Variants in CHCHD3 observed in about 807,000 individuals in gnomAD.
The protein encoded by CHCHD3 is coiled-coil-helix-coiled-coil-helix domain containing 3, also known as MICOS complex subunit MIC19.
In CHCHD3, 20 loss-of-function variants were observed where a neutral mutation model predicts 38.2. The ratio of observed to expected loss-of-function variants is 0.52; its 90% CI spans 0.37 to 0.76. The LOEUF is 0.76. Ranked by LOEUF, CHCHD3 falls within the 30% of genes least tolerant of loss-of-function variation. The probability of loss-of-function intolerance (pLI) is 0.00; values close to 1 mark genes in which losing one functional copy is unlikely to be tolerated. For missense variants in CHCHD3, 245 were observed against 279.2 expected (o/e 0.88, Z 0.87); for synonymous variants, 82 against 100.0 (o/e 0.82, Z 1.07).
intron 4 of CHCHD3, among the ~76,000 whole-genome samples, chr7:132,961,847 T>C (rs887404180): frequency 6.6e-6 from 1 of 152,222 alleles, no homozygotes; most frequent in Non-Finnish European, 1.5e-5. Flanking sequence ...GTTCAACTTT[T>C]CTAGATTCCA....
chr7:132,876,339 A>G lies in CHCHD3; in HGVS notation c.453+9323T>C, dbSNP rs549944393. Among the ~76,000 whole-genome samples the G allele has an allele frequency of 1.8e-4, 27 of 152,342 alleles. No homozygotes were observed. The East Asian group carries it at 5.0e-3, about 28-fold the overall frequency. ...AGCAAGAAAGGAGCTCAAAGAAAGT[A>G]AAGTGAGTAAATAATTGTTTTTCAA... On this transcript the variant is annotated intron_variant, in intron 5 of 7. Transcript: ENST00000262570.
At chr7:132,868,866 C>A (rs1469620812) in intron 5 of CHCHD3, among the ~76,000 whole-genome samples, 1 of 152,128 alleles carries the variant, frequency 6.6e-6, no homozygotes, top group East Asian at 1.9e-4. Flanking sequence ...TTCCCCAGGG[C>A]TCCTTGCTCT....
intron 4 of CHCHD3, among the ~76,000 whole-genome samples, chr7:132,935,066 T>C (rs553590631): frequency 5.5e-4 from 84 of 152,302 alleles, no homozygotes; most frequent in African/African-American, 1.9e-3. Flanking sequence ...CAAACTCCAC[T>C]GGACCCCCAA....
At chr7:132,809,668 A>G (rs1807016601) in intron 6 of CHCHD3, among the ~76,000 whole-genome samples, 1 of 152,238 alleles carries the variant, frequency 6.6e-6, no homozygotes, top group Non-Finnish European at 1.5e-5. Context: ...AAAGTGAAGG[A>G]CAGATGGTGA....
intron 2 of CHCHD3, chr7:133,036,077 G>T (rs984529304): frequency 1.4e-6 from 1 of 692,028 alleles, no homozygotes. Flanking sequence ...AAAATAATTC[G>T]CTAGGCAATT....
intron 6 of CHCHD3, among the ~76,000 whole-genome samples, chr7:132,808,321 G>T (rs1471070484): frequency 2.0e-5 from 3 of 152,068 alleles, no homozygotes; most frequent in African/African-American, 7.2e-5. Context: ...CTCCCCACCT[G>T]CTTTCCACTT....
chr7:133,068,707 A>C (rs1814740705), intron 2 of CHCHD3, among the ~76,000 whole-genome samples: 1 of 152,172 alleles, frequency 6.6e-6, no homozygotes, highest in South Asian at 2.1e-4. Context: ...ACATATTTAG[A>C]CATGTTTTAG....
chr7:133,029,314 T>C (rs570954488), intron 2 of CHCHD3, among the ~76,000 whole-genome samples: 1 of 152,308 alleles, frequency 6.6e-6, no homozygotes, highest in Admixed American at 6.5e-5. Context: ...TGTTCTCTTA[T>C]GAAATTTCAA....
intron 4 of CHCHD3, among the ~76,000 whole-genome samples, chr7:132,931,538 G>C (rs141634802): frequency 2.7e-4 from 41 of 152,090 alleles, no homozygotes; most frequent in African/African-American, 9.2e-4. Context: ...GCTAATCAAA[G>C]TATTAAAACT....
intron 4 of CHCHD3, among the ~76,000 whole-genome samples, chr7:132,963,422 G>C (rs1811374095): frequency 6.7e-6 from 1 of 148,670 alleles, no homozygotes; most frequent in Admixed American, 6.7e-5. Flanking sequence ...ACGAGGTCGG[G>C]AGATCGAGAC....
chr7:132,825,060 G>C (rs1807475089), intron 6 of CHCHD3, among the ~76,000 whole-genome samples: 1 of 152,092 alleles, frequency 6.6e-6, no homozygotes, highest in South Asian at 2.1e-4. Context: ...AAGTTTTGAT[G>C]CTTCTGCAGT....
intron 5 of CHCHD3, among the ~76,000 whole-genome samples, chr7:132,847,748 T>G (rs550598951): frequency 1.8e-4 from 28 of 152,326 alleles, no homozygotes; most frequent in African/African-American, 6.3e-4. Context: ...ACACACAGTA[T>G]TCGTGCAATA....
chr7:133,037,569 T>C (rs1422767519), intron 2 of CHCHD3, among the ~76,000 whole-genome samples: 1 of 152,100 alleles, frequency 6.6e-6, no homozygotes, highest in African/African-American at 2.4e-5. Context: ...TCCCAGCACT[T>C]TCGGAGGCTG....
At chr7:132,855,533 G>A (rs1808324755) in intron 5 of CHCHD3, among the ~76,000 whole-genome samples, 2 of 152,164 alleles carry the variant, frequency 1.3e-5, no homozygotes, top group Non-Finnish European at 2.9e-5. Flanking sequence ...TCAAAGATGT[G>A]TTTATCTTTT....
chr7:133,074,886 A>C (rs1166564205), intron 1 of CHCHD3, among the ~76,000 whole-genome samples: 2 of 152,180 alleles, frequency 1.3e-5, no homozygotes, highest in East Asian at 3.8e-4. Context: ...AATTGGCTAC[A>C]CAAATATTTG....
chr7:132,837,450 C>T (rs1210235122), intron 6 of CHCHD3, among the ~76,000 whole-genome samples: 1 of 152,170 alleles, frequency 6.6e-6, no homozygotes, highest in Non-Finnish European at 1.5e-5. Context: ...AGAGATAGTT[C>T]ACTACAGAAG....
At chr7:132,917,771 A>C (rs1810146613) in intron 4 of CHCHD3, among the ~76,000 whole-genome samples, 2 of 148,572 alleles carry the variant, frequency 1.3e-5, no homozygotes, top group South Asian at 4.4e-4. Context: ...AGGCAGGAGA[A>C]TGACGTGAAC....
intron 4 of CHCHD3, among the ~76,000 whole-genome samples, chr7:132,922,906 T>C (rs1208108526): frequency 6.6e-6 from 1 of 152,196 alleles, no homozygotes; most frequent in African/African-American, 2.4e-5. Context: ...ATGATGTTGA[T>C]TCATCAAACC....
intron 4 of CHCHD3, among the ~76,000 whole-genome samples, chr7:132,913,500 C>G (rs928567395): frequency 1.3e-5 from 2 of 152,188 alleles, no homozygotes; most frequent in Non-Finnish European, 2.9e-5. Flanking sequence ...ATGCACAAAG[C>G]CCTAAAGGTG....
Sources: allele counts gnomAD v4.1 joint callset (sites outside exome capture counted in the v4.1 genomes callset), GRCh38; gene constraint gnomAD v4.1.1; transcripts MANE v1.5; gene names NCBI Gene and HGNC (gene_info 2026-07-23, HGNC 2026-07-21).